Variants in MAP7 observed in about 807,000 individuals in gnomAD.
MAP7 encodes microtubule associated protein 7, also known as ensconsin.
MAP7 carries 52 observed loss-of-function variants against 94.8 expected under a neutral mutation model. The ratio of observed to expected loss-of-function variants is 0.55; its 90% CI spans 0.44 to 0.69. The LOEUF (loss-of-function observed/expected upper bound fraction) is 0.69, where lower values mean the gene tolerates loss of function less well. MAP7 is among the 30% of genes least tolerant of loss of function. The pLI, the probability that MAP7 is intolerant of heterozygous loss-of-function variation, is 0.00. For synonymous variants in MAP7, 350 were observed against 357.0 expected, an observed-to-expected ratio of 0.98 and a Z score of 0.22; for missense variants, 940 against 964.6, an observed-to-expected ratio of 0.97 and a Z score of 0.34.
At chr6:136,502,461 C>T (rs537761688) in intron 1 of MAP7, among the ~76,000 whole-genome samples, 18 of 152,328 alleles carry the variant, frequency 1.2e-4, no homozygotes, top group African/African-American at 4.3e-4. Flanking sequence ...TCATTAAAGG[C>T]CTGCACTAGG....
chr6:136,440,140 G>C (rs1334177875), intron 1 of MAP7, among the ~76,000 whole-genome samples: 1 of 152,186 alleles, frequency 6.6e-6, no homozygotes, highest in Non-Finnish European at 1.5e-5. Flanking sequence ...CAAGTACAAT[G>C]ACAAACGGGT....
chr6:136,450,245 A>C (rs1382563444), intron 1 of MAP7, among the ~76,000 whole-genome samples: 1 of 152,204 alleles, frequency 6.6e-6, no homozygotes, highest in East Asian at 1.9e-4. Context: ...TTTCACCAAC[A>C]CAATTCTAAG....
At position 136,538,026 on chromosome 6, in the gene MAP7, C is replaced by T. The variant is rs556584799; in HGVS notation, c.67+12316G>A. ...CGAACTCCCGACCTCGGGTGATCAG[C>T]CGGCCTCGGCCTCCCAAAGTGCTGG... On this transcript the variant is annotated intron_variant, in intron 1 of 17. Transcript: ENST00000354570. Among the ~76,000 whole-genome samples the T allele has an allele frequency of 2.0e-5, 3 of 152,342 alleles. No homozygotes were observed. The South Asian group carries it at 6.2e-4, about 32-fold the overall frequency.
intron 1 of MAP7, among the ~76,000 whole-genome samples, chr6:136,427,121 C>T (rs189187536): frequency 2.6e-5 from 4 of 152,310 alleles, no homozygotes; most frequent in African/African-American, 7.2e-5. Flanking sequence ...TTATGTCTGT[C>T]CCTGAAGAAA....
chr6:136,435,529 G>A (rs1218685168), intron 1 of MAP7, among the ~76,000 whole-genome samples: 1 of 152,208 alleles, frequency 6.6e-6, no homozygotes, highest in Non-Finnish European at 1.5e-5. Flanking sequence ...TTCTAAGTAA[G>A]TGACATGGCA....
intron 2 of MAP7, chr6:136,419,888 G>T: frequency 1.9e-6 from 1 of 516,782 alleles, no homozygotes; most frequent in South Asian, 2.0e-5. Flanking sequence ...CAAGACTGAG[G>T]ATTATCCACT....
chr6:136,400,976 C>T (rs537285919), intron 3 of MAP7, among the ~76,000 whole-genome samples: 20 of 152,328 alleles, frequency 1.3e-4, no homozygotes, highest in African/African-American at 4.1e-4. Context: ...CACTTCAAGT[C>T]TTCCACAATG....
chr6:136,461,157 A>G lies in MAP7; in HGVS notation c.68-39358T>C, dbSNP rs186848950. 2.8e-3 allele frequency among the ~76,000 whole-genome samples: 426 copies of G among 152,274 alleles called. 5 individuals are homozygous for G. The Middle Eastern group carries it at 0.038, about 13-fold the overall frequency. ...AGTATTTACGAAAACTCCAAACTCC[A>G]TGTTTTATAACTAAGAGAATTCTCA... On this transcript the variant is annotated intron_variant, in intron 1 of 17. Transcript: ENST00000354570.
At chr6:136,428,038 TTA>T (rs1265290909) in intron 1 of MAP7, among the ~76,000 whole-genome samples, 13 of 152,200 alleles carry the variant, frequency 8.5e-5, no homozygotes, top group Admixed American at 8.5e-4. Context: ...TGGTGTATAG[TTA>T]TATGACACAT....
At chr6:136,453,319 G>A (rs1801761936) in intron 1 of MAP7, among the ~76,000 whole-genome samples, 1 of 152,148 alleles carries the variant, frequency 6.6e-6, no homozygotes, top group African/African-American at 2.4e-5. Context: ...AACATTCAGT[G>A]TATTTCAACA....
intron 1 of MAP7, chr6:136,466,666 T>C (rs1283499884): frequency 1.6e-6 from 2 of 1,220,626 alleles, no homozygotes; most frequent in Non-Finnish European, 2.3e-6. Context: ...CCACTTGTTA[T>C]AAGTATTAAT....
At chr6:136,347,695 C>G (rs966832995) in intron 16 of MAP7, among the ~76,000 whole-genome samples, 1 of 152,076 alleles carries the variant, frequency 6.6e-6, no homozygotes, top group Non-Finnish European at 1.5e-5. Flanking sequence ...CATGAGCCAC[C>G]ACGCCCAGTC....
At chr6:136,371,232 T>G (rs367872863) in intron 8 of MAP7, among the ~76,000 whole-genome samples, 108 of 151,964 alleles carry the variant, frequency 7.1e-4, no homozygotes, top group South Asian at 6.2e-3. Flanking sequence ...TCTCAAGGAG[T>G]GTTAATTTTT....
At position 136,351,064 on chromosome 6, in the gene MAP7, A is replaced by G. The variant is rs372365345; in HGVS notation, c.2016-4985T>C. Among the ~76,000 whole-genome samples, 28 of 152,222 alleles carry G rather than the reference A, an allele frequency of 1.8e-4. No individual in the cohort carries two copies. In the South Asian group the frequency reaches 5.8e-3, roughly 32 times the overall value. On this transcript the variant is annotated intron_variant, in intron 16 of 17. Coordinates refer to ENST00000354570, the MANE Select transcript of MAP7 (RefSeq NM_003980.6). ...AAATAGCCCCTCGAGAAAACAGGGA[A>G]AATCATGAAATGAGTGACAAGGCAG...
chr6:136,446,089 G>T (rs1308152282), intron 1 of MAP7, among the ~76,000 whole-genome samples: 1 of 152,222 alleles, frequency 6.6e-6, no homozygotes, highest in East Asian at 1.9e-4. Flanking sequence ...GCAGCTCACA[G>T]AACTCAGGGA....
intron 3 of MAP7, among the ~76,000 whole-genome samples, chr6:136,403,774 C>T (rs1214477202): frequency 1.3e-5 from 2 of 152,204 alleles, no homozygotes; most frequent in African/African-American, 2.4e-5. Context: ...TTCTGCTTAC[C>T]TAATCCATGC....
chr6:136,460,921 G>C (rs1359864625), intron 1 of MAP7, among the ~76,000 whole-genome samples: 1 of 152,030 alleles, frequency 6.6e-6, no homozygotes, highest in Non-Finnish European at 1.5e-5. Context: ...TTGTCCTAAG[G>C]TATATGGACC....
intron 9 of MAP7, 91 bp from the exon 10 acceptor site, chr6:136,366,109 G>A: frequency 7.6e-7 from 1 of 1,323,230 alleles, no homozygotes; most frequent in Non-Finnish European, 1.0e-6. Context: ...AGAGAATGCA[G>A]ATATTTAGCT....
At chr6:136,396,710 C>T (rs933188810) in intron 3 of MAP7, among the ~76,000 whole-genome samples, 1 of 152,160 alleles carries the variant, frequency 6.6e-6, no homozygotes, top group African/African-American at 2.4e-5. Flanking sequence ...GGGTAAATTG[C>T]TTAACCTCCC....
Sources: allele counts gnomAD v4.1 joint callset (sites outside exome capture counted in the v4.1 genomes callset), GRCh38; gene constraint gnomAD v4.1.1; transcripts MANE v1.5; gene names NCBI Gene and HGNC (gene_info 2026-07-23, HGNC 2026-07-21).